ATP13A4: variants seen among roughly 807,000 people sequenced by gnomAD.
ATP13A4 encodes the protein ATPase 13A4, also known as probable cation-transporting ATPase 13A4.
In ATP13A4, 114 loss-of-function variants were observed where a neutral mutation model predicts 142.5. The ratio of observed to expected loss-of-function variants is 0.80; its 90% CI spans 0.69 to 0.93. The LOEUF is 0.93. Among genes scored for constraint, ATP13A4 ranks in the 40% least tolerant of loss-of-function variants. ATP13A4 has a pLI of 0.00. For synonymous variants in ATP13A4, 488 were observed against 514.8 expected (o/e 0.95, Z 0.70); for missense variants, 1,392 against 1,454.0 (o/e 0.96, Z 0.69).
chr3:193,445,876 C>G (rs1218078409), intron 18 of ATP13A4, among the ~76,000 whole-genome samples: 3 of 151,878 alleles, frequency 2.0e-5, no homozygotes, highest in Non-Finnish European at 4.4e-5. Context: ...CCACCCCACA[C>G]ACAATTTAAC....
chr3:193,404,024 C>T (rs1560165593), intron 29 of ATP13A4: 3 of 985,340 alleles, frequency 3.0e-6, no homozygotes, highest in East Asian at 1.1e-4. Flanking sequence ...GATAACTGAC[C>T]ATCTGCTGGC....
At chr3:193,553,273 T>C (rs1238736798) in intron 1 of ATP13A4, 2 of 152,210 alleles carry the variant, frequency 1.3e-5, no homozygotes, top group Non-Finnish European at 2.9e-5. Flanking sequence ...GTGGAATATG[T>C]ATGCTAGGGA....
At chr3:193,416,891 C>G (rs1715092080) in intron 25 of ATP13A4, 1 of 151,922 alleles carries the variant, frequency 6.6e-6, no homozygotes, top group Non-Finnish European at 1.5e-5. Flanking sequence ...TAGGTCAAAC[C>G]CAATGAGATT....
intron 1 of ATP13A4, among the ~76,000 whole-genome samples, chr3:193,541,029 C>G (rs1447145686): frequency 2.6e-5 from 4 of 152,000 alleles, no homozygotes; most frequent in Non-Finnish European, 5.9e-5. Flanking sequence ...GCGGGCAAAT[C>G]GCGAGGTCAG....
At position 193,439,023 on chromosome 3, in the gene ATP13A4, C is replaced by T. The variant is rs779394133; in HGVS notation, c.2562G>A (p.Gly854=). 8.1e-6 allele frequency: 13 copies of T among 1,608,868 alleles called. No individual in the cohort carries two copies. Among genetic ancestry groups the T allele is most frequent in the Non-Finnish European group, 1.0e-5 (12 of 1,175,328 alleles). ...GMCGDGANDC[G]ALKMAHVGIS... ...GCCACACAAACTGGTAGCTACTTACCCCACAGTCATTGGCTCCATCACCAC... is the reference window on the plus strand; with the variant it reads ...GCCACACAAACTGGTAGCTACTTACTCCACAGTCATTGGCTCCATCACCAC... Residue 854 remains glycine (G), a splice_region_variant and synonymous_variant, in exon 22 of 30, where the codon GGG becomes GGA. Coordinates refer to ENST00000342695, the MANE Select transcript of ATP13A4 (RefSeq NM_032279.4).
intron 21 of ATP13A4, chr3:193,440,223 G>A (rs1354323859): frequency 1.1e-4 from 34 of 303,624 alleles, no homozygotes; most frequent in Non-Finnish European, 1.3e-5. Flanking sequence ...TCCAGGAGCT[G>A]AGCTCAAGCC....
chr3:193,463,370 T>C (rs752731152), intron 12 of ATP13A4, among the ~76,000 whole-genome samples: 28 of 148,406 alleles, frequency 1.9e-4, no homozygotes, highest in Non-Finnish European at 3.5e-4. Context: ...TAGAGTGAAA[T>C]TTTTACCTGC....
chr3:193,507,232 A>G (rs989599633), intron 2 of ATP13A4, among the ~76,000 whole-genome samples: 1 of 152,214 alleles, frequency 6.6e-6, no homozygotes, highest in Non-Finnish European at 1.5e-5. Flanking sequence ...CTAGAGGATT[A>G]TGGATAATGT....
intron 25 of ATP13A4, among the ~76,000 whole-genome samples, chr3:193,416,179 C>CA (rs1715053546): frequency 1.3e-5 from 2 of 151,902 alleles, no homozygotes; most frequent in Admixed American, 6.6e-5. Flanking sequence ...ACAGTCTTTC[C>CA]AAAAAAAGCT....
intron 8 of ATP13A4, among the ~76,000 whole-genome samples, chr3:193,474,594 AAAGGAAGAAAGG>A (rs201270610): frequency 8.7e-5 from 13 of 149,470 alleles, no homozygotes; most frequent in South Asian, 2.1e-4. Context: ...AGAAGGAAAG[AAAGGAAGAAAGG>A]AAGGAAGAAA....
intron 2 of ATP13A4, among the ~76,000 whole-genome samples, chr3:193,513,321 G>T (rs1331664645): frequency 6.6e-6 from 1 of 152,188 alleles, no homozygotes; most frequent in Non-Finnish European, 1.5e-5. Flanking sequence ...AATAGAATAT[G>T]TATCTAGAGA....
intron 2 of ATP13A4, among the ~76,000 whole-genome samples, chr3:193,566,148 C>T (rs962363780): frequency 6.6e-6 from 1 of 152,188 alleles, no homozygotes; most frequent in African/African-American, 2.4e-5. Context: ...AATTCAGATA[C>T]ATTTTAGACA....
intron 16 of ATP13A4, among the ~76,000 whole-genome samples, chr3:193,456,265 T>C (rs776891667): frequency 3.9e-5 from 6 of 152,152 alleles, no homozygotes; most frequent in Admixed American, 1.3e-4. Flanking sequence ...AGACTAACAA[T>C]GCAATCAAAT....
chr3:193,401,648 T>G lies in ATP13A4; in HGVS notation c.*1004A>C, dbSNP rs894231213. Among the ~76,000 whole-genome samples, 1 of 152,214 alleles carries G rather than the reference T, an allele frequency of 6.6e-6. No individual in the cohort carries two copies. The highest frequency in any genetic ancestry group is 1.5e-5 in the Non-Finnish European group (1 of 68,032). On this transcript the variant is annotated 3_prime_UTR_variant, in exon 30 of 30. Coordinates refer to ENST00000342695, the MANE Select transcript of ATP13A4 (RefSeq NM_032279.4). ...CCAGGACTACGTTCCAGACCAACTC[T>G]ATCATTTGTGGGGCCTGGTACAAAA...
chr3:193,439,235 T>C, intron 21 of ATP13A4, 170 bp from the exon 22 acceptor site: 7 of 691,566 alleles, frequency 1.0e-5, no homozygotes, highest in Non-Finnish European at 1.8e-5. Flanking sequence ...GTTAATACAA[T>C]GGATTTAGAA....
intron 1 of ATP13A4, among the ~76,000 whole-genome samples, chr3:193,527,551 G>T (rs370662668): frequency 2.0e-5 from 3 of 151,744 alleles, no homozygotes; most frequent in African/African-American, 7.3e-5. Flanking sequence ...GGCAGAGGCT[G>T]CAGTGAGCTG....
chr3:193,571,278 C>CAAAAAAAAAAAA lies in ATP13A4; in HGVS notation n.291+10417_291+10428dup, dbSNP rs57432082. ...TGGGTGACAAAGCAAGACCTTGTCT[C>CAAAAAAAAAAAA]AAAAAAAAAAAAAGAAATATCCATG... is the stretch of plus-strand genomic sequence containing the variant. On this transcript the variant is annotated intron_variant and non_coding_transcript_variant, in intron 2 of 3. Coordinates refer to the ATP13A4 transcript ENST00000489140. Among the ~76,000 whole-genome samples, 40 of 95,692 alleles carry CAAAAAAAAAAAA rather than the reference C, an allele frequency of 4.2e-4. 1 individual carries two copies. The highest frequency in any genetic ancestry group is 1.4e-3 in the African/African-American group (27 of 19,944). The allele number at this position is 95,692 out of a possible 152,430, so 62.8% of individuals were successfully genotyped here. A position where few individuals can be genotyped will look rare whatever the true frequency, so the allele number is the denominator to read the frequency against.
intron 18 of ATP13A4, among the ~76,000 whole-genome samples, chr3:193,445,098 A>G (rs938554202): frequency 1.3e-5 from 2 of 152,220 alleles, no homozygotes; most frequent in African/African-American, 4.8e-5. Context: ...ACATGACTAG[A>G]GAAGTCAAGA....
chr3:193,587,350 G>A (rs978585295), intron 1 of ATP13A4, among the ~76,000 whole-genome samples: 7 of 152,154 alleles, frequency 4.6e-5, no homozygotes, highest in Admixed American at 6.5e-5. Flanking sequence ...CTTGGCTTAC[G>A]CCTACATCAC....
Sources: gnomAD v4.1 joint callset for allele counts (sites outside exome capture counted in the v4.1 genomes callset) on GRCh38, gnomAD v4.1.1 for gene constraint, MANE v1.5 for transcripts, NCBI Gene and HGNC (gene_info 2026-07-23, HGNC 2026-07-21) for gene names.